Variants in RASGRP2 observed in about 807,000 individuals in gnomAD.
The protein encoded by RASGRP2 is RAS guanyl releasing protein 2, also known as RAS guanyl-releasing protein 2.
In RASGRP2, 44 loss-of-function variants were observed where a neutral mutation model predicts 71.0. The observed-to-expected ratio is 0.62, with a 90% CI of 0.49 to 0.80. The LOEUF (loss-of-function observed/expected upper bound fraction) is 0.80. Ranked by LOEUF, RASGRP2 falls within the 30% of genes least tolerant of loss-of-function variation. The pLI is 0.00. For synonymous variants in RASGRP2, 350 were observed against 330.7 expected, an observed-to-expected ratio of 1.06 and a Z score of -0.63; for missense variants, 663 against 813.4, an observed-to-expected ratio of 0.82 and a Z score of 2.25.
rs1335801699 is a variant in RASGRP2, at chr11:64,742,755, G to A, written c.73+39C>T. On this transcript the variant is annotated intron_variant, in intron 2 of 16. Coordinates refer to ENST00000394432, the MANE Select transcript of RASGRP2 (RefSeq NM_001098671.2). The surrounding 1 kb of genome is among the most constrained non-coding windows in gnomAD (Gnocchi z 4.7). ...GCAGGGACCCGGGCTCAGACTCGGG[G>A]CTAGGCTCAGGCTCCGTGTGCCCTC... 12 of 1,578,812 alleles carry A rather than the reference G, an allele frequency of 7.6e-6. No homozygotes were observed. Among genetic ancestry groups the A allele is most frequent in the East Asian group, 4.6e-5 (2 of 43,054 alleles).
chr11:64,742,125 G>A lies in RASGRP2; in HGVS notation c.74-13C>T, dbSNP rs749981160. 1.1e-5 allele frequency: 17 copies of A among 1,569,774 alleles called. No homozygotes were observed. In the South Asian group the frequency reaches 1.9e-4, roughly 17 times the overall value. ...TTCCCGGAGTCATCTGACTCCGAAG[G>A]GTCAAAGACAGGTGGCTGAGCTGGG... On this transcript the variant is annotated splice_polypyrimidine_tract_variant and intron_variant, in intron 2 of 16. Transcript: ENST00000394432. The surrounding 1 kb of genome is among the most constrained non-coding windows in gnomAD (Gnocchi z 4.7).
rs1405975564 is a variant in RASGRP2 at position 64,736,914 on chromosome 11, C to T, written c.934G>A (p.Val312Met). 7 of 1,613,818 alleles carry T rather than the reference C, an allele frequency of 4.3e-6. No homozygotes were observed. The highest frequency in any genetic ancestry group is 5.9e-6 in the Non-Finnish European group (7 of 1,180,054). Reference sequence around the variant, plus strand: ...TCAGGCAGTGCCAGCTGCAGGGCCACCAGGTCCTTGAGGTGCACACCCAGG... The same window carrying T: ...TCAGGCAGTGCCAGCTGCAGGGCCATCAGGTCCTTGAGGTGCACACCCAGG... The part of the protein sequence containing the change: ...PILGVHLKDL[V>M]ALQLALPDWL... The change falls in exon 9 of 17, where the codon GTG becomes ATG. Residue 312 changes from valine (V) to methionine (M), a missense_variant. Coordinates refer to ENST00000394432, the MANE Select transcript of RASGRP2 (RefSeq NM_001098671.2).
intron 14 of RASGRP2, among the ~76,000 whole-genome samples, chr11:64,729,380 AG>A (rs1394900371): frequency 3.9e-4 from 58 of 148,238 alleles, no homozygotes; most frequent in African/African-American, 1.3e-3. Flanking sequence ...TCTGTTGCCC[AG>A]GCTGGAGTGC....
Position 64,735,112 on chromosome 11 carries a change from T to G in RASGRP2, c.1412A>C (p.Gln471Pro). The change falls in exon 12 of 17, where the codon CAG (glutamine) becomes CCG (proline). Residue 471 changes from glutamine (Q) to proline (P), a missense_variant and splice_region_variant. Gln to Pro is a moderately conservative substitution (Grantham distance 76). Coordinates refer to ENST00000394432, the MANE Select transcript of RASGRP2 (RefSeq NM_001098671.2). The surrounding 1 kb of genome is among the most constrained non-coding windows in gnomAD (Gnocchi z 4.2). ...LSAFGDLDQN[Q>P]DGCISREEMV... The stretch of plus-strand genomic sequence containing the variant: ...CCCCCAGGTCCCCAGCCCTCCTCAC[T>G]GGTTCTGGTCGAGGTCCCCAAAGGC... 6.2e-7 allele frequency: 1 copy of G among 1,612,068 alleles called. No homozygotes were observed. The highest frequency in any genetic ancestry group is 2.2e-5 in the East Asian group (1 of 44,874).
Position 64,743,922 on chromosome 11 carries a change from C to T in RASGRP2, c.-72+81G>A. On this transcript the variant is annotated intron_variant, in intron 1 of 16. Transcript: ENST00000394432. This position sits in a 1 kb window ranked among gnomAD's most constrained non-coding sequence, Gnocchi z 4.9. ...ACACGCACCGGGCCACAGGCACCGG[C>T]CTCCCATCCTCCGTCTCTCACACAC... 1.0e-6 allele frequency: 1 copy of T among 963,152 alleles called. No individual in the cohort carries two copies. The highest frequency in any genetic ancestry group is 1.2e-6 in the Non-Finnish European group (1 of 800,112). 59.7% of individuals were successfully genotyped at this position (963,152 alleles called of 1,614,324 possible). A position where few individuals can be genotyped will look rare whatever the true frequency, so the allele number is the denominator to read the frequency against.
In RASGRP2 at chr11:64,739,120, C is replaced by G. The variant is rs764764727; in HGVS notation, c.813+240G>C. On this transcript the variant is annotated intron_variant, in intron 8 of 16. Transcript: ENST00000394432. The surrounding 1 kb of genome is among the most constrained non-coding windows in gnomAD (Gnocchi z 4.2). ...CACCACTGAACTCCAGTCTGGACAA[C>G]AGAGAGAGAGACCCTGTCTTAAAAA... Among the ~76,000 whole-genome samples the G allele has an allele frequency of 2.0e-5, 3 of 148,568 alleles. No individual in the cohort carries two copies. Among genetic ancestry groups the G allele is most frequent in the African/African-American group, 5.0e-5 (2 of 39,940 alleles).
In RASGRP2 at chr11:64,741,421, C is replaced by A. The variant is rs1449210138; in HGVS notation, c.239+18G>T. ...AGGGAGAAAGGGGAGGGGCTAGAGCCCCAGGGGAAAGACTCACCTGACCAG... is the reference window on the plus strand; with the variant it reads ...AGGGAGAAAGGGGAGGGGCTAGAGCACCAGGGGAAAGACTCACCTGACCAG... On this transcript the variant is annotated intron_variant, in intron 4 of 16. Coordinates refer to ENST00000394432, the MANE Select transcript of RASGRP2 (RefSeq NM_001098671.2). The A allele has an allele frequency of 1.3e-6, 2 of 1,533,904 alleles. No individual in the cohort carries two copies. The highest frequency in any genetic ancestry group is 8.9e-7 in the Non-Finnish European group (1 of 1,127,252).
At position 64,743,886 on chromosome 11, in the gene RASGRP2, C is replaced by T; in HGVS notation, c.-72+117G>A. On this transcript the variant is annotated intron_variant, in intron 1 of 16. Coordinates refer to ENST00000394432, the MANE Select transcript of RASGRP2 (RefSeq NM_001098671.2). The surrounding 1 kb of genome is among the most constrained non-coding windows in gnomAD (Gnocchi z 4.9). ...CCGGGGACCTAAGTGGAGGTGCAGG[C>T]GTCCGCACTTACACGCACCGGGCCA... is the stretch of plus-strand genomic sequence containing the variant. 1.5e-6 allele frequency: 1 copy of T among 681,402 alleles called. No individual in the cohort carries two copies. The allele number at this position is 681,402 out of a possible 1,614,324, so 42.2% of individuals were successfully genotyped here.
chr11:64,740,158 G>A lies in RASGRP2; in HGVS notation c.377C>T (p.Thr126Ile). ...SSLIDIDSVP[T>I]YKWKRQVTQR... ...AGTCACCTGCCGCTTCCACTTGTAG[G>A]TAGGGCTGGGGGGGCAGGGGTAGTG... The change falls in exon 6 of 17, where the codon ACC becomes ATC. Residue 126 changes from threonine to isoleucine, a missense_variant. Thr to Ile is a moderately conservative substitution (Grantham distance 89). Transcript: ENST00000394432. The A allele has an allele frequency of 6.2e-7, 1 of 1,614,084 alleles. No individual in the cohort carries two copies. Among genetic ancestry groups the A allele is most frequent in the Non-Finnish European group, 8.5e-7 (1 of 1,180,014 alleles).
intron 12 of RASGRP2, among the ~76,000 whole-genome samples, chr11:64,732,736 G>A (rs923821354): frequency 2.3e-4 from 35 of 150,942 alleles, no homozygotes; most frequent in African/African-American, 2.7e-4. Flanking sequence ...AGCCGAGATC[G>A]CGCCACCGCA....
intron 14 of RASGRP2, 43 bp from the exon 15 acceptor site, chr11:64,729,085 G>A (rs953413532): frequency 1.9e-6 from 3 of 1,546,038 alleles, no homozygotes; most frequent in Non-Finnish European, 2.6e-6. Flanking sequence ...ACATTGGTCA[G>A]AATACCCTCC....
Position 64,735,701 on chromosome 11 carries a change from CA to C in RASGRP2, c.1174-38del. 1.3e-6 allele frequency: 2 copies of C among 1,591,346 alleles called. No homozygotes were observed. ...GTCGGGCCTGAGCTAGGGCCAGAGGCAGGGGAAGCCCAGAGCCCCGGGGAAC... is the reference window on the plus strand; with the variant it reads ...GTCGGGCCTGAGCTAGGGCCAGAGGCGGGGAAGCCCAGAGCCCCGGGGAAC... On this transcript the variant is annotated intron_variant, in intron 10 of 16. Coordinates refer to ENST00000394432, the MANE Select transcript of RASGRP2 (RefSeq NM_001098671.2). The surrounding 1 kb of genome is among the most constrained non-coding windows in gnomAD (Gnocchi z 4.2).
rs1214622049 is a variant in RASGRP2, at chr11:64,735,244, G to T, written c.1297-17C>A. The T allele has an allele frequency of 1.3e-6, 2 of 1,591,058 alleles. No homozygotes were observed. Among genetic ancestry groups the T allele is most frequent in the East Asian group, 2.2e-5 (1 of 44,760 alleles). ...GAACACAGACTGGGGCACGCAGAGGGACACGCAGAGCCAGAAGAGGGGAGA... is the reference window on the plus strand; with the variant it reads ...GAACACAGACTGGGGCACGCAGAGGTACACGCAGAGCCAGAAGAGGGGAGA... On this transcript the variant is annotated splice_polypyrimidine_tract_variant and intron_variant, in intron 11 of 16. Transcript: ENST00000394432. The surrounding 1 kb of genome is among the most constrained non-coding windows in gnomAD (Gnocchi z 4.2).
At chr11:64,727,710 T>G (rs7948197) in intron 15 of RASGRP2, among the ~76,000 whole-genome samples, 1 of 151,954 alleles carries the variant, frequency 6.6e-6, no homozygotes, top group African/African-American at 2.4e-5. Flanking sequence ...AGAGATGATG[T>G]TTTGCCACGT....
At chr11:64,731,638 G>A (rs2057772979) in intron 12 of RASGRP2, among the ~76,000 whole-genome samples, 1 of 152,070 alleles carries the variant, frequency 6.6e-6, no homozygotes, top group Admixed American at 6.6e-5. Context: ...AATGGACAAG[G>A]AATCAGAACA....
Position 64,735,273 on chromosome 11 carries a change from A to C in RASGRP2, c.1297-46T>G. The C allele has an allele frequency of 6.7e-7, 1 of 1,492,432 alleles. No homozygotes were observed. Among genetic ancestry groups the C allele is most frequent in the South Asian group, 1.1e-5 (1 of 88,380 alleles). The allele number at this position is 1,492,432 out of a possible 1,614,324, so 92.4% of individuals were successfully genotyped here. A position where few individuals can be genotyped will look rare whatever the true frequency, so the allele number is the denominator to read the frequency against. On this transcript the variant is annotated intron_variant, in intron 11 of 16. Coordinates refer to ENST00000394432, the MANE Select transcript of RASGRP2 (RefSeq NM_001098671.2). The surrounding 1 kb of genome is among the most constrained non-coding windows in gnomAD (Gnocchi z 4.2). ...CGCAGAGCCAGAAGAGGGGAGAGTA[A>C]AGGGGACATCAGGTCCTGTCCCTTC...
chr11:64,743,000 C>T lies in RASGRP2; in HGVS notation c.-71-63G>A, dbSNP rs1237380302. Reference sequence around the variant, plus strand: ...GCGGGCGGGGGAGCGGCCCCGCGGGCAGAAACGGGGCGGGGCGGGCACGCC... The same window carrying T: ...GCGGGCGGGGGAGCGGCCCCGCGGGTAGAAACGGGGCGGGGCGGGCACGCC... On this transcript the variant is annotated intron_variant, in intron 1 of 16. Transcript: ENST00000394432. The surrounding 1 kb of genome is among the most constrained non-coding windows in gnomAD (Gnocchi z 4.7). The T allele has an allele frequency of 2.7e-6, 4 of 1,490,630 alleles. No individual in the cohort carries two copies. In the South Asian group the frequency reaches 3.7e-5, roughly 14 times the overall value. 92.3% of individuals were successfully genotyped at this position (1,490,630 alleles called of 1,614,324 possible).
In RASGRP2 at chr11:64,742,732, AGGGACCCGGGCTCAGACTC is replaced by A. The variant is rs1235684651; in HGVS notation, c.73+43_73+61del. ...GTGCCCTGGACTGTGCCTGGGAGGCAGGGACCCGGGCTCAGACTCGGGGCTAGGCTCAGGCTCCGTGTGC... is the reference window on the plus strand; with the variant it reads ...GTGCCCTGGACTGTGCCTGGGAGGCAGGGGCTAGGCTCAGGCTCCGTGTGC... On this transcript the variant is annotated intron_variant, in intron 2 of 16. Coordinates refer to ENST00000394432, the MANE Select transcript of RASGRP2 (RefSeq NM_001098671.2). This position sits in a 1 kb window ranked among gnomAD's most constrained non-coding sequence, Gnocchi z 4.7. 333 of 1,557,570 alleles carry A rather than the reference AGGGACCCGGGCTCAGACTC, an allele frequency of 2.1e-4. No homozygotes were observed. The highest frequency in any genetic ancestry group is 2.6e-4 in the Non-Finnish European group (296 of 1,150,844).
In RASGRP2 at chr11:64,742,812, C is replaced by G; in HGVS notation, c.55G>C (p.Gly19Arg). 6.2e-7 allele frequency: 1 copy of G among 1,608,794 alleles called. No homozygotes were observed. The highest frequency in any genetic ancestry group is 8.5e-7 in the Non-Finnish European group (1 of 1,178,406). ...CACTCACCGAAGGCTTCGATGCACC[C>G]GCGGAGCAGCTCCTCCACCGTGCAG... ...KGCTVEELLRGCIEAFDDSGK... is the reference protein window; with the variant it reads ...KGCTVEELLRRCIEAFDDSGK... The change falls in exon 2 of 17, where the codon GGG becomes CGG. Residue 19 changes from glycine to arginine, a missense_variant. Gly to Arg is a moderately radical substitution (Grantham distance 125). Coordinates refer to ENST00000394432, the MANE Select transcript of RASGRP2 (RefSeq NM_001098671.2). The surrounding 1 kb of genome is among the most constrained non-coding windows in gnomAD (Gnocchi z 4.7).
Sources: gnomAD v4.1 joint callset for allele counts (sites outside exome capture counted in the v4.1 genomes callset) on GRCh38, gnomAD v4.1.1 for gene constraint, Gnocchi (gnomAD v3.1) non-coding constraint, MANE v1.5 for transcripts, NCBI Gene and HGNC (gene_info 2026-07-23, HGNC 2026-07-21) for gene names.